The following POLN variants were observed in gnomAD, a reference collection of about 807,000 sequenced individuals.
POLN encodes DNA polymerase nu.
POLN carries 108 observed loss-of-function variants against 113.5 expected under a neutral mutation model. The ratio of observed to expected loss-of-function variants is 0.95; its 90% confidence interval spans 0.81 to 1.12. The LOEUF is 1.12. Among genes scored for constraint, POLN ranks in the 50% most tolerant of loss-of-function variants. POLN has a pLI of 0.00. For missense variants in POLN, 1,097 were observed against 1,077.1 expected (o/e 1.02, Z -0.26); for synonymous variants, 386 against 391.5 (o/e 0.99, Z 0.17).
chr4:2,184,144 G>A (rs1273684520), intron 7 of POLN, among the ~76,000 whole-genome samples: 4 of 146,088 alleles, frequency 2.7e-5, no homozygotes, highest in Non-Finnish European at 5.9e-5. Flanking sequence ...GTGAGCCACC[G>A]TGCCCAGCCA....
chr4:2,116,448 A>G (rs961286446), intron 19 of POLN, among the ~76,000 whole-genome samples: 2 of 152,060 alleles, frequency 1.3e-5, no homozygotes, highest in African/African-American at 4.8e-5. Context: ...CAGAAAACTG[A>G]TTTTGTAGTT....
chr4:2,214,006 T>A (rs1440784623), intron 3 of POLN, among the ~76,000 whole-genome samples: 3 of 152,006 alleles, frequency 2.0e-5, no homozygotes. Context: ...GAGGCTGAGG[T>A]GGGTGGATCA....
At chr4:2,212,901 A>G (rs551272195) in intron 4 of POLN, 146 bp downstream of exon 4, 1 of 467,618 alleles carries the variant, frequency 2.1e-6, no homozygotes, top group East Asian at 3.5e-5. Context: ...AAATTAAACT[A>G]TAAGTTCTTG....
At chr4:2,226,838 A>C (rs1734407303) in intron 3 of POLN, among the ~76,000 whole-genome samples, 1 of 152,250 alleles carries the variant, frequency 6.6e-6, no homozygotes. Context: ...AGGCTAATTT[A>C]CAATATTTTT....
At chr4:2,241,086 G>A in intron 2 of POLN, 1 of 647,920 alleles carries the variant, frequency 1.5e-6, no homozygotes, top group South Asian at 2.1e-5. Context: ...AATCTATAAT[G>A]ATTCCTCCTA....
intron 16 of POLN, among the ~76,000 whole-genome samples, chr4:2,137,557 G>A (rs1392425185): frequency 6.6e-6 from 1 of 152,116 alleles, no homozygotes; most frequent in Non-Finnish European, 1.5e-5. Context: ...ACACCATGTG[G>A]GGTCTGGAAC....
rs115863892 is a variant in POLN, at chr4:2,079,520, G to A, written c.2387+1438C>T. The A allele has an allele frequency of 8.1e-4, 803 of 985,808 alleles. 7 individuals carry two copies. In the African/African-American group the frequency reaches 0.013, roughly 16 times the overall value. The allele number at this position is 985,808 out of a possible 1,614,324, so 61.1% of individuals were successfully genotyped here. A position where few individuals can be genotyped will look rare whatever the true frequency, so the allele number is the denominator to read the frequency against. ...TGCATGTGCTTGTGTGTGCGTGTGTGTGCACGTGTGTGTTGGGAATGAATG... is the reference window on the plus strand; with the variant it reads ...TGCATGTGCTTGTGTGTGCGTGTGTATGCACGTGTGTGTTGGGAATGAATG... On this transcript the variant is annotated intron_variant, in intron 23 of 25. Coordinates refer to ENST00000511885, the MANE Select transcript of POLN (RefSeq NM_181808.4).
At chr4:2,104,932 A>G (rs3135057) in intron 19 of POLN, among the ~76,000 whole-genome samples, 127,843 of 152,158 alleles carry the variant, frequency 0.84, 54,304 homozygotes, top group Non-Finnish European at 0.9. Flanking sequence ...GGCTCCCTTC[A>G]GAAGCGTGCA....
chr4:2,079,638 G>A (rs1730356980), intron 23 of POLN: 2 of 980,404 alleles, frequency 2.0e-6, no homozygotes, highest in Non-Finnish European at 2.4e-6. Flanking sequence ...AGGCTGGAGT[G>A]CAGTGGTGCG....
At chr4:2,132,340 G>C (rs1731747293) in intron 16 of POLN, among the ~76,000 whole-genome samples, 1 of 152,170 alleles carries the variant, frequency 6.6e-6, no homozygotes, top group Non-Finnish European at 1.5e-5. Context: ...TCAAGGACCT[G>C]TGGGCTAATA....
intron 6 of POLN, among the ~76,000 whole-genome samples, chr4:2,194,720 T>C (rs1315634520): frequency 2.0e-5 from 3 of 152,118 alleles, no homozygotes; most frequent in African/African-American, 7.2e-5. Flanking sequence ...GAATACCTTG[T>C]AAGCTAAATG....
At chr4:2,110,763 A>C (rs921701300) in intron 19 of POLN, among the ~76,000 whole-genome samples, 1 of 152,206 alleles carries the variant, frequency 6.6e-6, no homozygotes, top group African/African-American at 2.4e-5. Flanking sequence ...TTACCAACCA[A>C]AAAAAGTCCA....
intron 17 of POLN, 105 bp downstream of exon 17, chr4:2,131,128 T>C: frequency 1.3e-6 from 1 of 771,194 alleles, no homozygotes; most frequent in Non-Finnish European, 2.1e-6. Context: ...AAGGCTGCAG[T>C]GAGCTGTGAT....
chr4:2,089,075 G>A, intron 20 of POLN: 2 of 868,072 alleles, frequency 2.3e-6, no homozygotes, highest in Non-Finnish European at 3.8e-6. Flanking sequence ...TGATGAAGGA[G>A]CAATGGATTG....
intron 15 of POLN, among the ~76,000 whole-genome samples, 190 bp downstream of exon 15, chr4:2,157,668 A>G (rs1732467945): frequency 7.1e-6 from 1 of 140,474 alleles, no homozygotes; most frequent in Non-Finnish European, 1.5e-5. Flanking sequence ...GGTTGCAGTG[A>G]GCTGAGATCC....
At chr4:2,099,702 T>C (rs1050668589) in intron 19 of POLN, among the ~76,000 whole-genome samples, 3 of 152,176 alleles carry the variant, frequency 2.0e-5, no homozygotes, top group Admixed American at 6.5e-5. Flanking sequence ...CATACCAGTA[T>C]TGGGTTCATT....
chr4:2,083,134 C>T (rs547375314), intron 21 of POLN: 1 of 152,338 alleles, frequency 6.6e-6, no homozygotes, highest in South Asian at 2.1e-4. Flanking sequence ...CGTAGCGTTT[C>T]ACTCAATGTA....
chr4:2,105,997 G>A (rs1731057210), intron 19 of POLN, among the ~76,000 whole-genome samples: 1 of 152,062 alleles, frequency 6.6e-6, no homozygotes, highest in South Asian at 2.1e-4. Context: ...CCTGTTCTGT[G>A]CTGCTCACTT....
chr4:2,126,651 C>T lies in POLN; in HGVS notation c.1982+1462G>A, dbSNP rs780313036. Among the ~76,000 whole-genome samples the T allele has an allele frequency of 3.9e-5, 6 of 152,034 alleles. No individual in the cohort carries two copies. The highest frequency in any genetic ancestry group is 3.2e-3 in the Middle Eastern group (1 of 316). On this transcript the variant is annotated intron_variant, in intron 19 of 25. Transcript: ENST00000511885. This position sits in a 1 kb window ranked among gnomAD's most constrained non-coding sequence, Gnocchi z 4.6. ...AGTGGAGACCAGAGAGGAGCGGCGC[C>T]GTGCCCAGCATCAGGGGAGGGTGGT...
Sources: allele counts gnomAD v4.1 joint callset (sites outside exome capture counted in the v4.1 genomes callset), GRCh38; gene constraint gnomAD v4.1.1; non-coding constraint Gnocchi (gnomAD v3.1); transcripts MANE v1.5; gene names NCBI Gene and HGNC (gene_info 2026-07-23, HGNC 2026-07-21).